Variants in CELSR1 observed in about 807,000 individuals in gnomAD.
The protein encoded by CELSR1 is adhesion G protein-coupled receptor C1.
In CELSR1, 110 loss-of-function variants were observed where a neutral mutation model predicts 249.1. The observed-to-expected ratio is 0.44, with a 90% CI of 0.38 to 0.52. The LOEUF (loss-of-function observed/expected upper bound fraction) is 0.52, where lower values mean the gene tolerates loss of function less well. Ranked by LOEUF, CELSR1 falls within the 20% of genes least tolerant of loss-of-function variation. The probability of loss-of-function intolerance (pLI) is 0.00; values close to 1 mark genes in which losing one functional copy is unlikely to be tolerated. For missense variants in CELSR1, 4,109 were observed against 4,296.4 expected, an observed-to-expected ratio of 0.96 and a Z score of 1.22; for synonymous variants, 2,113 against 1,900.0, an observed-to-expected ratio of 1.11 and a Z score of -2.92.
chr22:46,383,399 C>A (rs1309794567), intron 20 of CELSR1, among the ~76,000 whole-genome samples: 1 of 152,228 alleles, frequency 6.6e-6, no homozygotes, highest in African/African-American at 2.4e-5. Context: ...AATGTTCAAA[C>A]TGTTTTGAAT....
At chr22:46,513,277 G>C (rs1198994621) in intron 1 of CELSR1, among the ~76,000 whole-genome samples, 1 of 152,168 alleles carries the variant, frequency 6.6e-6, no homozygotes, top group Non-Finnish European at 1.5e-5. Context: ...GCAACACAGG[G>C]AAGAGTGTTC....
Position 46,397,741 on chromosome 22 carries a change from C to CGAGGTACAGGGGTCGTCCACATCA in CELSR1, c.5610_5633dup (p.Asp1871_Ser1878dup), listed in dbSNP as rs1246217074. On this transcript the variant is annotated inframe_insertion, in exon 12 of 35. Coordinates refer to ENST00000674500, the MANE Select transcript of CELSR1 (RefSeq NM_001378328.1). ...AGCGGCTATTGGGGGGACAGGGGCT[C>CGAGGTACAGGGGTCGTCCACATCA]GAGGTACAGGGGTCGTCCACATCAC... The CGAGGTACAGGGGTCGTCCACATCA allele has an allele frequency of 1.3e-6, 2 of 1,592,174 alleles. No homozygotes were observed. The highest frequency in any genetic ancestry group is 8.6e-7 in the Non-Finnish European group (1 of 1,168,288).
chr22:46,439,540 C>A, intron 2 of CELSR1, 129 bp from the exon 3 acceptor site: 1 of 713,960 alleles, frequency 1.4e-6, no homozygotes, highest in Non-Finnish European at 2.3e-6. Flanking sequence ...CCGACTGACT[C>A]CAGGACAGGT....
intron 22 of CELSR1, among the ~76,000 whole-genome samples, chr22:46,379,758 G>T (rs1280359879): frequency 6.6e-6 from 1 of 152,212 alleles, no homozygotes; most frequent in African/African-American, 2.4e-5. Context: ...GATGGGGGCA[G>T]CGTTCCTGCT....
intron 1 of CELSR1, among the ~76,000 whole-genome samples, chr22:46,501,084 A>G (rs1050040440): frequency 6.6e-6 from 1 of 151,682 alleles, no homozygotes; most frequent in African/African-American, 2.4e-5. Flanking sequence ...CCCAGGCTAG[A>G]GTGCAATGGC....
At chr22:46,431,092 C>T (rs1167887450) in intron 5 of CELSR1, among the ~76,000 whole-genome samples, 2 of 152,198 alleles carry the variant, frequency 1.3e-5, no homozygotes, top group Non-Finnish European at 2.9e-5. Flanking sequence ...TGACAGGACC[C>T]GGCCCTAGAC....
chr22:46,409,756 T>G lies in CELSR1; in HGVS notation c.5058A>C (p.Gln1686His). ...PLRFGGKNCEQAMPHPQLFSG... is the reference protein window; with the variant it reads ...PLRFGGKNCEHAMPHPQLFSG... ...GGATGGACGACGCCGGCCACTCACC[T>G]TGCTCACAGTTCTTCCCGCCGAATC... Residue 1686 changes from glutamine (Q) to histidine (H), a missense_variant and splice_region_variant, in exon 8 of 35, where the codon CAA becomes CAC. Around this residue, in one of 7 missense-constraint regions of CELSR1, gnomAD observed 453 missense variants for 492.0 expected, o/e 0.92. Transcript: ENST00000674500. This position sits in a 1 kb window ranked among gnomAD's most constrained non-coding sequence, Gnocchi z 9.8. 6.2e-7 allele frequency: 1 copy of G among 1,613,188 alleles called. No individual in the cohort carries two copies. The highest frequency in any genetic ancestry group is 8.5e-7 in the Non-Finnish European group (1 of 1,179,980).
rs542368276 is a variant in CELSR1 at position 46,517,719 on chromosome 22, T to G, written c.3544+15908A>C. On this transcript the variant is annotated intron_variant, in intron 1 of 34. Coordinates refer to ENST00000674500, the MANE Select transcript of CELSR1 (RefSeq NM_001378328.1). The surrounding 1 kb of genome is among the most constrained non-coding windows in gnomAD (Gnocchi z 5.4). ...TCCTCTTTGAAGAATTGGGAGAACT[T>G]GCGATTATGTGTTAGAATTTTCCAT... Among the ~76,000 whole-genome samples the G allele has an allele frequency of 6.6e-6, 1 of 152,232 alleles. No homozygotes were observed. Among genetic ancestry groups the G allele is most frequent in the East Asian group, 1.9e-4 (1 of 5,176 alleles).
intron 2 of CELSR1, among the ~76,000 whole-genome samples, chr22:46,442,290 G>A (rs959578984): frequency 2.0e-5 from 3 of 152,224 alleles, no homozygotes; most frequent in Admixed American, 6.5e-5. Context: ...CTCAGATTCC[G>A]CCTCCCGGCC....
rs752148929 is a variant in CELSR1, at chr22:46,408,551, T to A, written c.5226+445A>T. Among the ~76,000 whole-genome samples the A allele has an allele frequency of 9.8e-5, 15 of 152,306 alleles. No individual in the cohort carries two copies. In the South Asian group the frequency reaches 2.9e-3, roughly 29 times the overall value. On this transcript the variant is annotated intron_variant, in intron 9 of 34. Transcript: ENST00000674500. This position sits in a 1 kb window ranked among gnomAD's most constrained non-coding sequence, Gnocchi z 4.6. ...GGTTTCACCATGTTGGCCAGGCTGG[T>A]CTCGAACTTCTGACCTCAGGTGATC... is the stretch of plus-strand genomic sequence containing the variant.
In CELSR1 at chr22:46,536,537, G is replaced by T; in HGVS notation, c.634C>A (p.Pro212Thr). 1 of 1,400,414 alleles carries T rather than the reference G, an allele frequency of 7.1e-7. No homozygotes were observed. The allele number at this position is 1,400,414 out of a possible 1,614,324, so 86.7% of individuals were successfully genotyped here. A position where few individuals can be genotyped will look rare whatever the true frequency, so the allele number is the denominator to read the frequency against. Residue 212 changes from proline (P) to threonine (T), a missense_variant, in exon 1 of 35, where the codon CCA (proline) becomes ACA (threonine). Coordinates refer to ENST00000674500, the MANE Select transcript of CELSR1 (RefSeq NM_001378328.1). The stretch of plus-strand genomic sequence containing the variant: ...GGCGGCAGGGGCGGCGATGGGGATG[G>T]CGACGCGGAGGGCGTCCCCGCGGTG... ...AATAGTPSAS[P>T]SPSPPLPPNL...
At chr22:46,528,408 T>A (rs552955442) in intron 1 of CELSR1, among the ~76,000 whole-genome samples, 3 of 152,178 alleles carry the variant, frequency 2.0e-5, no homozygotes, top group Admixed American at 6.6e-5. Flanking sequence ...CGCCAATCAT[T>A]CTCACCCACA....
At chr22:46,523,686 G>A (rs1010224188) in intron 1 of CELSR1, among the ~76,000 whole-genome samples, 4 of 152,112 alleles carry the variant, frequency 2.6e-5, no homozygotes, top group African/African-American at 9.7e-5. Context: ...GAGCTGGAAG[G>A]CCCCTCAACA....
At chr22:46,421,348 G>A (rs964490251) in intron 5 of CELSR1, among the ~76,000 whole-genome samples, 1 of 152,164 alleles carries the variant, frequency 6.6e-6, no homozygotes, top group Non-Finnish European at 1.5e-5. Flanking sequence ...GGAGGACAGT[G>A]GCTATGATGC....
At position 46,396,276 on chromosome 22, in the gene CELSR1, C is replaced by T. The variant is rs1488792247; in HGVS notation, c.5843+329G>A. ...ACAAAATATTAGCTGGGCATGGTGGCGGGCACCTGTAGGACCAGCTACTCG... is the reference window on the plus strand; with the variant it reads ...ACAAAATATTAGCTGGGCATGGTGGTGGGCACCTGTAGGACCAGCTACTCG... On this transcript the variant is annotated intron_variant, in intron 13 of 34. Coordinates refer to ENST00000674500, the MANE Select transcript of CELSR1 (RefSeq NM_001378328.1). The surrounding 1 kb of genome is among the most constrained non-coding windows in gnomAD (Gnocchi z 6.4). Among the ~76,000 whole-genome samples, 8 of 151,928 alleles carry T rather than the reference C, an allele frequency of 5.3e-5. No homozygotes were observed. The highest frequency in any genetic ancestry group is 1.7e-4 in the African/African-American group (7 of 41,348).
At chr22:46,499,259 C>T (rs536624012) in intron 1 of CELSR1, among the ~76,000 whole-genome samples, 89 of 150,968 alleles carry the variant, frequency 5.9e-4, no homozygotes, top group Middle Eastern at 3.5e-3. Context: ...AACCCCCACA[C>T]AGAAACCACA....
At chr22:46,405,524 A>C (rs1000044224) in intron 9 of CELSR1, among the ~76,000 whole-genome samples, 4 of 152,142 alleles carry the variant, frequency 2.6e-5, no homozygotes, top group Admixed American at 6.5e-5. Context: ...AAAGAACTCC[A>C]AAGTGAGCAG....
chr22:46,515,099 C>T (rs1024992772), intron 1 of CELSR1, among the ~76,000 whole-genome samples: 1 of 146,048 alleles, frequency 6.8e-6, no homozygotes, highest in Non-Finnish European at 1.5e-5. Context: ...GCAGCGTGGA[C>T]CCCCCTCAGC....
rs2079210266 is a variant in CELSR1 at position 46,401,499 on chromosome 22, G to T, written c.5227-1597C>A. Among the ~76,000 whole-genome samples the T allele has an allele frequency of 6.6e-6, 1 of 152,212 alleles. No individual in the cohort carries two copies. Among genetic ancestry groups the T allele is most frequent in the Admixed American group, 6.5e-5 (1 of 15,278 alleles). On this transcript the variant is annotated intron_variant, in intron 9 of 34. Transcript: ENST00000674500. This position sits in a 1 kb window ranked among gnomAD's most constrained non-coding sequence, Gnocchi z 4.7. Reference sequence around the variant, plus strand: ...TGCTTCCCTGCAAGGCCGTCAGCTGGTTCTGGAAGACACAGTGGAGGCTGA... The same window carrying T: ...TGCTTCCCTGCAAGGCCGTCAGCTGTTTCTGGAAGACACAGTGGAGGCTGA...
Sources: allele counts gnomAD v4.1 joint callset (sites outside exome capture counted in the v4.1 genomes callset), GRCh38; gene constraint gnomAD v4.1.1; regional missense constraint gnomAD v4.1.1; non-coding constraint Gnocchi (gnomAD v3.1); transcripts MANE v1.5; gene names NCBI Gene and HGNC (gene_info 2026-07-23, HGNC 2026-07-21).